MEF2A: variants seen among roughly 807,000 people sequenced by gnomAD.
MEF2A encodes myocyte enhancer factor 2A.
MEF2A carries 28 observed loss-of-function variants against 55.8 expected under a neutral mutation model. The observed-to-expected ratio is 0.50, with a 90% CI of 0.37 to 0.69. The LOEUF (loss-of-function observed/expected upper bound fraction) is 0.69. MEF2A is among the 30% of genes least tolerant of loss of function. MEF2A has a pLI of 0.00. For missense variants in MEF2A, 528 were observed against 626.2 expected (o/e 0.84, Z 1.67); for synonymous variants, 239 against 227.1 (o/e 1.05, Z -0.47).
chr15:99,589,332 T>C (rs1488548679), intron 1 of MEF2A, among the ~76,000 whole-genome samples: 1 of 152,216 alleles, frequency 6.6e-6, no homozygotes, highest in Non-Finnish European at 1.5e-5. Flanking sequence ...TTTATTGGCA[T>C]AAAATCACCC....
At chr15:99,695,541 T>TTGTGTGTGTGTG (rs3979129) in intron 8 of MEF2A, among the ~76,000 whole-genome samples, 1,768 of 144,858 alleles carry the variant, frequency 0.012, 28 homozygotes, top group Admixed American at 0.038. Flanking sequence ...ATTGTCAGAT[T>TTGTGTGTGTGTG]TGTGTGTGTG....
In MEF2A at chr15:99,640,398, C is replaced by T. The variant is rs77876218; in HGVS notation, c.55-5163C>T. 8.7e-3 allele frequency among the ~76,000 whole-genome samples: 1,324 copies of T among 152,228 alleles called. 29 individuals carry two copies. Among genetic ancestry groups the T allele is most frequent in the African/African-American group, 0.03 (1,242 of 41,528 alleles). On this transcript the variant is annotated intron_variant, in intron 3 of 11. Coordinates refer to ENST00000557942, the MANE Select transcript of MEF2A (RefSeq NM_001319206.4). ...TGGCAAATTTTGCAATACATATTGA[C>T]CATCTTTATCCTCAGTAAGGCATGT... is the stretch of plus-strand genomic sequence containing the variant.
chr15:99,590,977 C>T (rs1166689885), intron 1 of MEF2A, among the ~76,000 whole-genome samples: 2 of 152,072 alleles, frequency 1.3e-5, no homozygotes, highest in Non-Finnish European at 2.9e-5. Flanking sequence ...TATCTTAGAG[C>T]AGTTTTAGCT....
At chr15:99,574,776 ACT>A (rs1963722345) in intron 1 of MEF2A, among the ~76,000 whole-genome samples, 1 of 152,174 alleles carries the variant, frequency 6.6e-6, no homozygotes, top group African/African-American at 2.4e-5. Flanking sequence ...CAGGCCATGG[ACT>A]GGTACTGATC....
intron 8 of MEF2A, among the ~76,000 whole-genome samples, chr15:99,697,063 AAAT>A (rs2056586627): frequency 6.6e-6 from 1 of 152,132 alleles, no homozygotes; most frequent in African/African-American, 2.4e-5. Flanking sequence ...TTAAAAAAAA[AAAT>A]CTCAATGAAC....
intron 1 of MEF2A, among the ~76,000 whole-genome samples, chr15:99,591,188 C>T (rs1056250282): frequency 1.3e-5 from 2 of 152,162 alleles, no homozygotes; most frequent in African/African-American, 4.8e-5. Flanking sequence ...AAAACTCTTC[C>T]TTCAGTGTTT....
chr15:99,706,526 T>C (rs981967181), intron 9 of MEF2A: 2 of 560,096 alleles, frequency 3.6e-6, no homozygotes, highest in African/African-American at 3.7e-5. Context: ...ATCAACTATT[T>C]TAAAAGAATT....
At chr15:99,681,889 T>C (rs542991784) in intron 7 of MEF2A, 4 of 152,338 alleles carry the variant, frequency 2.6e-5, no homozygotes, top group African/African-American at 7.2e-5. Context: ...TGTAATCTTT[T>C]CTACTTTCAG....
chr15:99,593,851 G>A (rs1388157424), intron 1 of MEF2A, among the ~76,000 whole-genome samples: 1 of 152,108 alleles, frequency 6.6e-6, no homozygotes, highest in Non-Finnish European at 1.5e-5. Context: ...CAAAGGTCTT[G>A]TTTCTTTCAG....
At chr15:99,593,948 C>G (rs975252419) in intron 1 of MEF2A, among the ~76,000 whole-genome samples, 2 of 151,346 alleles carry the variant, frequency 1.3e-5, no homozygotes, top group Non-Finnish European at 2.9e-5. Flanking sequence ...TTTTTTTGTA[C>G]TCTTTCACAC....
intron 2 of MEF2A, among the ~76,000 whole-genome samples, chr15:99,616,839 T>C (rs551156659): frequency 3.3e-5 from 5 of 152,292 alleles, no homozygotes. Flanking sequence ...TGGGGCTTGT[T>C]ATTACAGTAA....
rs980398251 is a variant in MEF2A at position 99,567,466 on chromosome 15, G to A, written c.-225+1362G>A. 2.0e-5 allele frequency among the ~76,000 whole-genome samples: 3 copies of A among 152,212 alleles called. No homozygotes were observed. In the South Asian group the frequency reaches 6.2e-4, roughly 32 times the overall value. Reference sequence around the variant, plus strand: ...CAACTGCTAAGTACTCTAGTTGTCAGTTTTAGAATCTGTGTTACCTTGGCA... The same window carrying A: ...CAACTGCTAAGTACTCTAGTTGTCAATTTTAGAATCTGTGTTACCTTGGCA... On this transcript the variant is annotated intron_variant, in intron 1 of 11. Coordinates refer to ENST00000557942, the MANE Select transcript of MEF2A (RefSeq NM_001319206.4).
intron 10 of MEF2A, among the ~76,000 whole-genome samples, chr15:99,710,392 G>A (rs1286324530): frequency 3.3e-5 from 5 of 152,086 alleles, no homozygotes; most frequent in East Asian, 3.9e-4. Context: ...ACAGGCATGC[G>A]CCACCACGCC....
At chr15:99,575,760 C>T (rs572683772) in intron 1 of MEF2A, among the ~76,000 whole-genome samples, 17 of 152,302 alleles carry the variant, frequency 1.1e-4, no homozygotes, top group Admixed American at 3.3e-4. Context: ...TTCTAACCAT[C>T]GTTCCCTCTC....
At chr15:99,622,676 C>CGGTG (rs1337925369) in intron 2 of MEF2A, among the ~76,000 whole-genome samples, 1 of 149,444 alleles carries the variant, frequency 6.7e-6, no homozygotes, top group African/African-American at 2.4e-5. Context: ...CCATCACCAC[C>CGGTG]ATCCTTCTTT....
At chr15:99,662,373 G>A (rs2048801770) in intron 4 of MEF2A, among the ~76,000 whole-genome samples, 1 of 151,974 alleles carries the variant, frequency 6.6e-6, no homozygotes, top group African/African-American at 2.4e-5. Flanking sequence ...TTCAAAATTG[G>A]AAATAATTAT....
At chr15:99,674,284 A>G (rs1229796610) in intron 5 of MEF2A, 109 bp from the exon 6 acceptor site, 9 of 946,098 alleles carry the variant, frequency 9.5e-6, no homozygotes, top group Middle Eastern at 3.4e-4. Context: ...ACCTATCCCT[A>G]TCCTCTACTT....
At chr15:99,632,908 A>T in intron 2 of MEF2A, 70 bp from the exon 3 acceptor site, 1 of 441,688 alleles carries the variant, frequency 2.3e-6, no homozygotes, top group South Asian at 3.9e-5. Flanking sequence ...GCAAATTTGA[A>T]ATTTGTATAA....
chr15:99,708,265 C>G (rs2058256349), intron 10 of MEF2A, among the ~76,000 whole-genome samples: 1 of 152,146 alleles, frequency 6.6e-6, no homozygotes, highest in South Asian at 2.1e-4. Flanking sequence ...TGAATTTATA[C>G]TCTGAGAATT....
Sources: gnomAD v4.1 joint callset for allele counts (sites outside exome capture counted in the v4.1 genomes callset) on GRCh38, gnomAD v4.1.1 for gene constraint, MANE v1.5 for transcripts, NCBI Gene and HGNC (gene_info 2026-07-23, HGNC 2026-07-21) for gene names.